KATNAL1: variants seen among roughly 807,000 people sequenced by gnomAD.
KATNAL1 encodes the protein katanin p60 ATPase-containing subunit A-like 1.
In KATNAL1, 32 loss-of-function variants were observed where a neutral mutation model predicts 55.2. That is an observed-to-expected ratio of 0.58 (90% CI 0.44 to 0.78). The LOEUF (loss-of-function observed/expected upper bound fraction) is 0.78, where lower values mean the gene tolerates loss of function less well. Ranked by LOEUF, KATNAL1 falls within the 30% of genes least tolerant of loss-of-function variation. The pLI, the probability that KATNAL1 is intolerant of heterozygous loss-of-function variation, is 0.00. For synonymous variants in KATNAL1, 193 were observed against 193.6 expected (o/e 1.00, Z 0.02); for missense variants, 466 against 600.9 (o/e 0.78, Z 2.35).
intron 7 of KATNAL1, 90 bp downstream of exon 7, chr13:30,231,224 C>A: frequency 1.9e-6 from 2 of 1,059,054 alleles, no homozygotes; most frequent in Non-Finnish European, 2.7e-6. Flanking sequence ...CTGCCCTTTT[C>A]AAAAAAGATT....
rs1394864894 is a variant in KATNAL1 at position 30,205,733 on chromosome 13, G to A, written c.*2807C>T. 1 of 147,240 alleles carries A rather than the reference G, an allele frequency of 6.8e-6. No homozygotes were observed. The highest frequency in any genetic ancestry group is 1.5e-5 in the Non-Finnish European group (1 of 68,846). 9.1% of individuals were successfully genotyped at this position (147,240 alleles called of 1,614,324 possible). Reference sequence around the variant, plus strand: ...ACTCATTCTGGTAAGGCAACACACTGTCTTCTGCAATAAAGACTGTGTGTG... The same window carrying A: ...ACTCATTCTGGTAAGGCAACACACTATCTTCTGCAATAAAGACTGTGTGTG... On this transcript the variant is annotated 3_prime_UTR_variant, in exon 11 of 11. Transcript: ENST00000380615.
chr13:30,237,412 CA>C (rs1876797781), intron 6 of KATNAL1, among the ~76,000 whole-genome samples: 1 of 152,128 alleles, frequency 6.6e-6, no homozygotes, highest in South Asian at 2.1e-4. Flanking sequence ...GATAGATGAA[CA>C]GAGTCTCAAT....
chr13:30,274,573 C>T (rs143953661), intron 3 of KATNAL1, among the ~76,000 whole-genome samples: 267 of 152,292 alleles, frequency 1.8e-3, no homozygotes, highest in Non-Finnish European at 3.3e-3. Flanking sequence ...GTGTCCTGTT[C>T]TTACTGCTAC....
intron 6 of KATNAL1, among the ~76,000 whole-genome samples, chr13:30,239,684 GA>G (rs377019572): frequency 0.011 from 1,473 of 128,112 alleles, 12 homozygotes; most frequent in Admixed American, 0.017. Flanking sequence ...ATACAGAAGT[GA>G]TTTTTTTTTT....
chr13:30,213,919 G>T (rs1732599437), intron 9 of KATNAL1, among the ~76,000 whole-genome samples: 1 of 152,028 alleles, frequency 6.6e-6, no homozygotes. Flanking sequence ...GGAAGTTCTG[G>T]CCAGGGCAAT....
At chr13:30,293,092 A>G (rs2137556582) in intron 1 of KATNAL1, among the ~76,000 whole-genome samples, 1 of 152,190 alleles carries the variant, frequency 6.6e-6, no homozygotes, top group East Asian at 1.9e-4. Context: ...AAATATTCTG[A>G]ATTATTAAAA....
intron 10 of KATNAL1, 131 bp downstream of exon 10, chr13:30,210,185 G>T: frequency 1.6e-6 from 1 of 634,090 alleles, no homozygotes; most frequent in Non-Finnish European, 2.4e-6. Flanking sequence ...GGACAAATGG[G>T]AAACCATTTT....
At chr13:30,302,028 C>T (rs141583739) in intron 1 of KATNAL1, among the ~76,000 whole-genome samples, 1 of 152,140 alleles carries the variant, frequency 6.6e-6, no homozygotes, top group Non-Finnish European at 1.5e-5. Context: ...TGCGCAGCCA[C>T]GCCTGGCTAA....
chr13:30,237,647 T>A (rs1876827922), intron 6 of KATNAL1, among the ~76,000 whole-genome samples: 1 of 152,210 alleles, frequency 6.6e-6, no homozygotes, highest in Admixed American at 6.5e-5. Flanking sequence ...AATATGTTCA[T>A]CTTTTACCTC....
At chr13:30,274,873 G>A (rs1880636617) in intron 3 of KATNAL1, among the ~76,000 whole-genome samples, 1 of 148,708 alleles carries the variant, frequency 6.7e-6, no homozygotes, top group Admixed American at 6.8e-5. Context: ...GTTGGGGGCG[G>A]GGTGTGTGCA....
At chr13:30,300,956 C>T (rs1882816086) in intron 1 of KATNAL1, among the ~76,000 whole-genome samples, 1 of 152,184 alleles carries the variant, frequency 6.6e-6, no homozygotes, top group Admixed American at 6.5e-5. Context: ...AAACGTTTCT[C>T]AAAAGTAACC....
intron 5 of KATNAL1, 31 bp downstream of exon 5, chr13:30,240,928 A>G: frequency 6.3e-7 from 1 of 1,595,586 alleles, no homozygotes; most frequent in East Asian, 2.2e-5. Context: ...GTTCTCCTCT[A>G]CTTTAATTCA....
At chr13:30,283,250 G>C (rs1224302160) in intron 2 of KATNAL1, among the ~76,000 whole-genome samples, 1 of 49,744 alleles carries the variant, frequency 2.0e-5, no homozygotes, top group African/African-American at 8.7e-5. Context: ...CTGGGCGACA[G>C]AACAAGACTC....
intron 9 of KATNAL1, among the ~76,000 whole-genome samples, chr13:30,221,803 G>A (rs1337813645): frequency 3.9e-5 from 6 of 152,184 alleles, no homozygotes; most frequent in African/African-American, 1.4e-4. Context: ...TGTAATCCCA[G>A]CACTTTGAGA....
rs955433030 is a variant in KATNAL1, at chr13:30,307,502, G to C, written c.-186C>G. The C allele has an allele frequency of 6.6e-6, 1 of 152,242 alleles. No homozygotes were observed. Among genetic ancestry groups the C allele is most frequent in the African/African-American group, 2.4e-5 (1 of 41,420 alleles). 9.4% of individuals were successfully genotyped at this position (152,242 alleles called of 1,614,324 possible). ...CGCGGCCGCGCGGTGGGCGCAGCGCGGGAGGGAGCGCGGGGGCTGTGAGTC... is the reference window on the plus strand; with the variant it reads ...CGCGGCCGCGCGGTGGGCGCAGCGCCGGAGGGAGCGCGGGGGCTGTGAGTC... On this transcript the variant is annotated 5_prime_UTR_variant, in exon 1 of 11. Transcript: ENST00000380615.
intron 6 of KATNAL1, among the ~76,000 whole-genome samples, chr13:30,233,807 G>A (rs970412854): frequency 1.8e-4 from 27 of 152,164 alleles, no homozygotes; most frequent in Non-Finnish European, 2.9e-5. Context: ...ATGGATGGAG[G>A]TGGAGGTCGT....
In KATNAL1 at chr13:30,208,407, G is replaced by T; in HGVS notation, c.*133C>A. 1.5e-6 allele frequency: 1 copy of T among 688,230 alleles called. No homozygotes were observed. The highest frequency in any genetic ancestry group is 2.3e-6 in the Non-Finnish European group (1 of 425,950). 42.6% of individuals were successfully genotyped at this position (688,230 alleles called of 1,614,324 possible). A position where few individuals can be genotyped will look rare whatever the true frequency, so the allele number is the denominator to read the frequency against. ...TCAACTACATTTAGTATTCTTCGCA[G>T]TTTTAGATTTTTTTTTCCTTTAAGC... On this transcript the variant is annotated 3_prime_UTR_variant, in exon 11 of 11. Transcript: ENST00000380615.
intron 3 of KATNAL1, among the ~76,000 whole-genome samples, chr13:30,274,096 C>T (rs766749710): frequency 2.6e-5 from 4 of 152,168 alleles, no homozygotes; most frequent in Non-Finnish European, 4.4e-5. Flanking sequence ...CTTCAATATA[C>T]ATTTTACAGA....
intron 4 of KATNAL1, among the ~76,000 whole-genome samples, chr13:30,246,648 C>A (rs949904127): frequency 5.3e-5 from 8 of 152,116 alleles, no homozygotes; most frequent in Non-Finnish European, 1.0e-4. Context: ...ATCCATCTGA[C>A]AAAGGGCTAA....
Sources: allele counts gnomAD v4.1 joint callset (sites outside exome capture counted in the v4.1 genomes callset), GRCh38; gene constraint gnomAD v4.1.1; transcripts MANE v1.5; gene names NCBI Gene and HGNC (gene_info 2026-07-23, HGNC 2026-07-21).